The following KCTD8 variants were observed in gnomAD, a reference collection of about 807,000 sequenced individuals.
KCTD8 encodes BTB/POZ domain-containing protein KCTD8.
A neutral mutation model predicts 31.5 loss-of-function variants in KCTD8; 27 were observed. The observed-to-expected ratio is 0.86, with a 90% CI of 0.63 to 1.18. The LOEUF (loss-of-function observed/expected upper bound fraction) is 1.18. KCTD8 is among the 50% of genes most tolerant of loss of function. The pLI, the probability that KCTD8 is intolerant of heterozygous loss-of-function variation, is 0.00. For missense variants in KCTD8, 658 were observed against 647.7 expected, an observed-to-expected ratio of 1.02 and a Z score of -0.17; for synonymous variants, 290 against 280.0, an observed-to-expected ratio of 1.04 and a Z score of -0.36.
At chr4:44,362,095 A>G (rs754772639) in intron 1 of KCTD8, among the ~76,000 whole-genome samples, 66 of 152,252 alleles carry the variant, frequency 4.3e-4, no homozygotes, top group Non-Finnish European at 8.5e-4. Context: ...AATTCCAGGC[A>G]GCAGAAATAT....
chr4:44,271,071 C>A (rs184322457), intron 1 of KCTD8, among the ~76,000 whole-genome samples: 12 of 151,934 alleles, frequency 7.9e-5, no homozygotes, highest in Non-Finnish European at 1.5e-4. Flanking sequence ...CACAAAGAGG[C>A]GTGAATTTAG....
chr4:44,257,016 A>C (rs1480765246), intron 1 of KCTD8, among the ~76,000 whole-genome samples: 2 of 151,996 alleles, frequency 1.3e-5, no homozygotes, highest in African/African-American at 4.8e-5. Context: ...TAAAAATGGT[A>C]AATACTGTAT....
intron 1 of KCTD8, among the ~76,000 whole-genome samples, chr4:44,410,477 A>G (rs980314981): frequency 9.2e-5 from 14 of 152,160 alleles, no homozygotes; most frequent in African/African-American, 3.4e-4. Flanking sequence ...GAAGCAGACA[A>G]AGGTTAAGTA....
intron 1 of KCTD8, among the ~76,000 whole-genome samples, chr4:44,401,197 T>C (rs1220195725): frequency 6.6e-6 from 1 of 151,844 alleles, no homozygotes; most frequent in Admixed American, 6.6e-5. Context: ...TTGGGTATGA[T>C]TAAGTAAATG....
At chr4:44,302,572 T>A (rs1717661283) in intron 1 of KCTD8, among the ~76,000 whole-genome samples, 1 of 152,088 alleles carries the variant, frequency 6.6e-6, no homozygotes, top group Non-Finnish European at 1.5e-5. Context: ...TGATTTTGTA[T>A]CCTGAGACTT....
At chr4:44,281,580 C>G (rs767243831) in intron 1 of KCTD8, among the ~76,000 whole-genome samples, 1 of 152,098 alleles carries the variant, frequency 6.6e-6, no homozygotes, top group Non-Finnish European at 1.5e-5. Context: ...ACAGAGTTCC[C>G]AATTTGTACT....
At chr4:44,333,254 G>A (rs1410072926) in intron 1 of KCTD8, among the ~76,000 whole-genome samples, 1 of 152,064 alleles carries the variant, frequency 6.6e-6, no homozygotes, top group Non-Finnish European at 1.5e-5. Flanking sequence ...GACCAGGAAA[G>A]ATGTCAGCCT....
At chr4:44,282,722 T>C (rs879222298) in intron 1 of KCTD8, among the ~76,000 whole-genome samples, 2 of 152,050 alleles carry the variant, frequency 1.3e-5, no homozygotes, top group Admixed American at 6.6e-5. Context: ...ATTTTTGATA[T>C]GATGGCAGTT....
At chr4:44,354,831 A>T (rs1719301284) in intron 1 of KCTD8, among the ~76,000 whole-genome samples, 1 of 152,146 alleles carries the variant, frequency 6.6e-6, no homozygotes, top group Admixed American at 6.6e-5. Context: ...GAGCCTGTAA[A>T]ACATTTAGCA....
intron 1 of KCTD8, among the ~76,000 whole-genome samples, chr4:44,323,222 G>A (rs376119348): frequency 9.2e-5 from 14 of 152,024 alleles, no homozygotes; most frequent in Admixed American, 3.3e-4. Flanking sequence ...GGCCAGGCAC[G>A]GTGGCTCACA....
rs558421437 is a variant in KCTD8, at chr4:44,415,561, T to C, written c.961+32002A>G. On this transcript the variant is annotated intron_variant, in intron 1 of 1. Coordinates refer to ENST00000360029, the MANE Select transcript of KCTD8 (RefSeq NM_198353.3). ...ATGGTTTTAGGGTCCAGGCCCAGAG[T>C]GCCACTTCCCTGTGCAGCCTTGGGA... 2.0e-5 allele frequency among the ~76,000 whole-genome samples: 3 copies of C among 152,212 alleles called. No homozygotes were observed. In the South Asian group the frequency reaches 6.2e-4, roughly 32 times the overall value.
At chr4:44,242,751 C>T (rs1280850517) in intron 1 of KCTD8, among the ~76,000 whole-genome samples, 1 of 152,024 alleles carries the variant, frequency 6.6e-6, no homozygotes, top group Non-Finnish European at 1.5e-5. Context: ...AGCACCCTCC[C>T]CTTGGTGCTG....
At chr4:44,440,172 A>T (rs1721783063) in intron 1 of KCTD8, among the ~76,000 whole-genome samples, 1 of 152,008 alleles carries the variant, frequency 6.6e-6, no homozygotes, top group Non-Finnish European at 1.5e-5. Context: ...ACCTCAGGTG[A>T]TCCACCCACC....
At chr4:44,235,553 ATATATATATATATATATATATATT>A (rs1200427029) in intron 1 of KCTD8, among the ~76,000 whole-genome samples, 8 of 90,364 alleles carry the variant, frequency 8.9e-5, no homozygotes, top group African/African-American at 4.0e-4. Flanking sequence ...ATATATATAT[ATATATATATATATATATATATATT>A]TAGAGAGAGA....
At chr4:44,368,093 C>T (rs1013097116) in intron 1 of KCTD8, among the ~76,000 whole-genome samples, 1 of 152,024 alleles carries the variant, frequency 6.6e-6, no homozygotes, top group African/African-American at 2.4e-5. Context: ...AAAAGCAAAT[C>T]AGGCCAGTTG....
intron 1 of KCTD8, among the ~76,000 whole-genome samples, chr4:44,301,554 T>A: frequency 1.3e-5 from 2 of 152,214 alleles, no homozygotes. Flanking sequence ...GCCCACTTTT[T>A]GATGGGGTTG....
chr4:44,222,449 C>T (rs1369840563), intron 1 of KCTD8, among the ~76,000 whole-genome samples: 1 of 152,206 alleles, frequency 6.6e-6, no homozygotes. Context: ...ACCTTCTCCA[C>T]AGTTGCATAT....
At chr4:44,386,875 A>G (rs979513274) in intron 1 of KCTD8, among the ~76,000 whole-genome samples, 3 of 151,480 alleles carry the variant, frequency 2.0e-5, no homozygotes, top group African/African-American at 7.2e-5. Context: ...GAATGAAACA[A>G]GTAAATGTGA....
chr4:44,256,208 A>G (rs1311500291), intron 1 of KCTD8, among the ~76,000 whole-genome samples: 1 of 151,960 alleles, frequency 6.6e-6, no homozygotes, highest in African/African-American at 2.4e-5. Flanking sequence ...TATGAGAGCT[A>G]CAAGTCAAGA....
Sources: allele counts gnomAD v4.1 joint callset (sites outside exome capture counted in the v4.1 genomes callset), GRCh38; gene constraint gnomAD v4.1.1; transcripts MANE v1.5; gene names NCBI Gene and HGNC (gene_info 2026-07-23, HGNC 2026-07-21).